PIK3C3: variants seen among roughly 807,000 people sequenced by gnomAD.
PIK3C3 encodes the protein PI3-kinase type 3.
PIK3C3 carries 95 observed loss-of-function variants against 126.1 expected under a neutral mutation model. That is an observed-to-expected ratio of 0.75 (90% confidence interval 0.64 to 0.89). The LOEUF is 0.89. Ranked by LOEUF, PIK3C3 falls within the 40% of genes least tolerant of loss-of-function variation. The pLI, the probability that PIK3C3 is intolerant of heterozygous loss-of-function variation, is 0.00. For synonymous variants in PIK3C3, 374 were observed against 360.0 expected (o/e 1.04, Z -0.44); for missense variants, 829 against 1,063.2 (o/e 0.78, Z 3.06).
chr18:42,068,688 C>A (rs866192826), intron 24 of PIK3C3, among the ~76,000 whole-genome samples: 2 of 152,010 alleles, frequency 1.3e-5, no homozygotes, highest in African/African-American at 4.8e-5. Context: ...CGGTGGCTCA[C>A]GCCTGTAATC....
rs1982174251 is a variant in PIK3C3, at chr18:41,999,366, C to T, written c.984+2636C>T. On this transcript the variant is annotated intron_variant, in intron 9 of 24. Coordinates refer to ENST00000262039, the MANE Select transcript of PIK3C3 (RefSeq NM_002647.4). ...ATAAAAATACTAATTTAAATTAACT[C>T]CATGCCTTTTGATTATGCTTGGGGG... 1.3e-5 allele frequency among the ~76,000 whole-genome samples: 2 copies of T among 152,084 alleles called. 1 individual carries two copies. The highest frequency in any genetic ancestry group is 4.1e-4 in the South Asian group (2 of 4,826).
chr18:42,014,203 G>T (rs1286176486), intron 11 of PIK3C3, among the ~76,000 whole-genome samples: 2 of 96,452 alleles, frequency 2.1e-5, no homozygotes, highest in Admixed American at 1.6e-4. Context: ...GCGAGACTCC[G>T]TCTCAAAAAA....
intron 16 of PIK3C3, among the ~76,000 whole-genome samples, chr18:42,037,354 A>C (rs772094820): frequency 1.2e-4 from 18 of 152,242 alleles, no homozygotes; most frequent in Non-Finnish European, 1.9e-4. Flanking sequence ...TTGCCTTAGC[A>C]ACTCTGCAGA....
chr18:41,987,238 A>C (rs910031587), intron 4 of PIK3C3, among the ~76,000 whole-genome samples: 1 of 152,068 alleles, frequency 6.6e-6, no homozygotes, highest in Non-Finnish European at 1.5e-5. Context: ...TAAAGTTATA[A>C]AACTAAGGTT....
At position 41,996,700 on chromosome 18, in the gene PIK3C3, G is replaced by A; in HGVS notation, c.954G>A (p.Lys318=). The change falls in exon 9 of 25, where the codon AAG becomes AAA. Residue 318 remains lysine, a synonymous_variant. Transcript: ENST00000262039. ...LTYEEQDLVW[K]FRYYLTNQEK... The stretch of plus-strand genomic sequence containing the variant: ...ATGAAGAACAAGATCTTGTTTGGAA[G>A]TTTAGATATTATCTTACGAATCAAG... 1 of 1,562,676 alleles carries A rather than the reference G, an allele frequency of 6.4e-7. No homozygotes were observed.
In PIK3C3 at chr18:42,005,734, AAT is replaced by A. The variant is rs1598888081; in HGVS notation, c.1170+1194_1170+1195del. ...GATCATTTTGAATTAGTGGTATCTG[AAT>A]TTCAAGAAGCAAATTAAATATTTAT... On this transcript the variant is annotated intron_variant, in intron 10 of 24. Transcript: ENST00000262039. Among the ~76,000 whole-genome samples, 2 of 151,588 alleles carry A rather than the reference AAT, an allele frequency of 1.3e-5. 1 individual carries two copies. The highest frequency in any genetic ancestry group is 2.9e-5 in the Non-Finnish European group (2 of 68,016).
intron 2 of PIK3C3, among the ~76,000 whole-genome samples, chr18:41,961,786 G>T (rs2144293583): frequency 6.6e-6 from 1 of 152,014 alleles, no homozygotes; most frequent in Admixed American, 6.5e-5. Context: ...AAAAGTATAA[G>T]AAAATTTACA....
chr18:42,057,058 AC>A (rs34303564), intron 21 of PIK3C3, among the ~76,000 whole-genome samples: 1,836 of 107,508 alleles, frequency 0.017, 45 homozygotes, highest in Admixed American at 0.066. Flanking sequence ...ATAGAAATGA[AC>A]CCCCCCCCCC....
At chr18:42,029,659 C>T (rs1228201733) in intron 15 of PIK3C3, among the ~76,000 whole-genome samples, 1 of 150,922 alleles carries the variant, frequency 6.6e-6, no homozygotes, top group African/African-American at 2.4e-5. Flanking sequence ...TCTCATGCCC[C>T]AGCCTCCCGA....
chr18:42,004,320 G>T, intron 9 of PIK3C3, 36 bp from the exon 10 acceptor site: 1 of 1,521,782 alleles, frequency 6.6e-7, no homozygotes, highest in Non-Finnish European at 9.0e-7. Context: ...CCAGGAAATA[G>T]GCTGTTTCTA....
chr18:42,027,377 T>A, intron 13 of PIK3C3, 66 bp from the exon 14 acceptor site: 1 of 804,892 alleles, frequency 1.2e-6, no homozygotes, highest in South Asian at 1.7e-5. Flanking sequence ...TGAAATGATA[T>A]GAGTATTTAC....
intron 10 of PIK3C3, among the ~76,000 whole-genome samples, chr18:42,008,411 C>G (rs1388765987): frequency 6.6e-6 from 1 of 152,116 alleles, no homozygotes; most frequent in Admixed American, 6.5e-5. Flanking sequence ...GAAAGTATGT[C>G]ACTTAGACTG....
rs952297505 is a variant in PIK3C3 at position 41,987,799 on chromosome 18, A to G, written c.532-13A>G. ...TGTATATTAAAATTTTCGTCATTGT[A>G]TTTATTCTGCAGCTCACCAAAGCTC... On this transcript the variant is annotated splice_polypyrimidine_tract_variant and intron_variant, in intron 4 of 24. Coordinates refer to ENST00000262039, the MANE Select transcript of PIK3C3 (RefSeq NM_002647.4). 1.3e-5 allele frequency: 21 copies of G among 1,590,488 alleles called. No individual in the cohort carries two copies. Among genetic ancestry groups the G allele is most frequent in the African/African-American group, 2.7e-5 (2 of 74,108 alleles).
chr18:42,028,460 ACAT>A (rs1329432654), intron 14 of PIK3C3, among the ~76,000 whole-genome samples: 1 of 152,240 alleles, frequency 6.6e-6, no homozygotes, highest in East Asian at 1.9e-4. Context: ...AAGCTACCAC[ACAT>A]TAATCTGTGG....
At chr18:42,043,116 G>A (rs1486862881) in intron 19 of PIK3C3, among the ~76,000 whole-genome samples, 2 of 126,088 alleles carry the variant, frequency 1.6e-5, no homozygotes, top group East Asian at 4.6e-4. Context: ...TTTTTTTTTT[G>A]TGAGACGGAG....
chr18:42,016,202 C>T (rs1177066442), intron 12 of PIK3C3, among the ~76,000 whole-genome samples: 1 of 152,046 alleles, frequency 6.6e-6, no homozygotes, highest in Non-Finnish European at 1.5e-5. Flanking sequence ...TACTTTTAGT[C>T]AGATTTTAGG....
Position 42,064,853 on chromosome 18 carries a change from G to A in PIK3C3, c.2523+23G>A, listed in dbSNP as rs760776326. On this transcript the variant is annotated intron_variant, in intron 23 of 24. Coordinates refer to ENST00000262039, the MANE Select transcript of PIK3C3 (RefSeq NM_002647.4). ...AAGGTAATTTTTAAGTAACATAAAT[G>A]AAGAGCTCTTCTGTATAATTTTTCC... The A allele has an allele frequency of 1.8e-5, 22 of 1,211,460 alleles. No individual in the cohort carries two copies. In the South Asian group the frequency reaches 2.6e-4, roughly 14 times the overall value. The allele number at this position is 1,211,460 out of a possible 1,614,324, so 75.0% of individuals were successfully genotyped here.
chr18:41,986,773 T>C (rs1981500576), intron 4 of PIK3C3, among the ~76,000 whole-genome samples: 1 of 152,128 alleles, frequency 6.6e-6, no homozygotes, highest in South Asian at 2.1e-4. Flanking sequence ...TACATTTTCA[T>C]ATAGAAATTA....
chr18:42,056,755 T>C (rs567812750), intron 21 of PIK3C3, among the ~76,000 whole-genome samples: 1 of 152,106 alleles, frequency 6.6e-6, no homozygotes, highest in Non-Finnish European at 1.5e-5. Flanking sequence ...TTAACAGAAA[T>C]TGATCATGGA....
Sources: allele counts gnomAD v4.1 joint callset (sites outside exome capture counted in the v4.1 genomes callset), GRCh38; gene constraint gnomAD v4.1.1; transcripts MANE v1.5; gene names NCBI Gene and HGNC (gene_info 2026-07-23, HGNC 2026-07-21).